The following CELF4 variants were observed in gnomAD, a reference collection of about 807,000 sequenced individuals.
CELF4 encodes CUGBP Elav-like family member 4, also known as CUG-BP- and ETR-3-like factor 4.
In CELF4, 18 loss-of-function variants were observed where a neutral mutation model predicts 59.9. The observed-to-expected ratio is 0.30, with a 90% CI of 0.21 to 0.45. The LOEUF (loss-of-function observed/expected upper bound fraction) is 0.45, where lower values mean the gene tolerates loss of function less well. CELF4 is among the 20% of genes least tolerant of loss of function. CELF4 has a pLI of 1.00. For synonymous variants in CELF4, 261 were observed against 267.1 expected (o/e 0.98, Z 0.22); for missense variants, 456 against 689.0 (o/e 0.66, Z 3.79).
At chr18:37,300,380 G>A (rs190096848) in intron 3 of CELF4, among the ~76,000 whole-genome samples, 50 of 152,088 alleles carry the variant, frequency 3.3e-4, no homozygotes, top group African/African-American at 1.1e-3. Context: ...ACCTGCCACC[G>A]CACTTGGCTA....
At chr18:37,494,807 C>G (rs183022490) in intron 1 of CELF4, among the ~76,000 whole-genome samples, 2 of 152,278 alleles carry the variant, frequency 1.3e-5, no homozygotes, top group East Asian at 3.9e-4. Context: ...ACGGGCCATG[C>G]TCAGGGAGAC....
At chr18:37,475,694 G>A (rs2099846924) in intron 2 of CELF4, among the ~76,000 whole-genome samples, 1 of 152,194 alleles carries the variant, frequency 6.6e-6, no homozygotes, top group Non-Finnish European at 1.5e-5. Context: ...TCTGCATGGA[G>A]TTGATTGGAG....
chr18:37,390,154 T>C (rs2099142771), intron 2 of CELF4, among the ~76,000 whole-genome samples: 1 of 152,208 alleles, frequency 6.6e-6, no homozygotes, highest in Non-Finnish European at 1.5e-5. Flanking sequence ...CCCCACATGC[T>C]GTAGGTGGCA....
intron 2 of CELF4, among the ~76,000 whole-genome samples, chr18:37,457,675 C>T (rs1195153564): frequency 1.3e-5 from 2 of 152,170 alleles, no homozygotes; most frequent in African/African-American, 4.8e-5. Context: ...AGACCATCTC[C>T]ACTTCCTCCT....
intron 1 of CELF4, among the ~76,000 whole-genome samples, chr18:37,559,942 A>G (rs1441562073): frequency 3.9e-5 from 6 of 152,222 alleles, no homozygotes. Context: ...TAGTGATGGC[A>G]GGCAGTTTTG....
intron 2 of CELF4, among the ~76,000 whole-genome samples, chr18:37,405,098 C>G (rs694306): frequency 0.11 from 17,066 of 152,284 alleles, 3,143 homozygotes; most frequent in African/African-American, 0.39. Flanking sequence ...CCCAACCCCC[C>G]CCGTGTCCTT....
chr18:37,325,405 G>A (rs1163681362), intron 2 of CELF4, among the ~76,000 whole-genome samples: 1 of 152,160 alleles, frequency 6.6e-6, no homozygotes, highest in Non-Finnish European at 1.5e-5. Flanking sequence ...CTGAAATGAC[G>A]GGTCCCATTT....
At chr18:37,319,746 G>A (rs905294211) in intron 3 of CELF4, among the ~76,000 whole-genome samples, 3 of 152,252 alleles carry the variant, frequency 2.0e-5, no homozygotes, top group Admixed American at 6.5e-5. Flanking sequence ...GAGGGGGAGA[G>A]AAATTCCTCG....
chr18:37,367,647 G>A lies in CELF4; in HGVS notation c.370-45766C>T, dbSNP rs77684731. On this transcript the variant is annotated intron_variant, in intron 2 of 12. Coordinates refer to ENST00000420428, the MANE Select transcript of CELF4 (RefSeq NM_020180.4). Reference sequence around the variant, plus strand: ...GTGTAGGAACAGAGGAACAGAGGAAGGAAAAATGCAAATCAGGTCGGGGAG... The same window carrying A: ...GTGTAGGAACAGAGGAACAGAGGAAAGAAAAATGCAAATCAGGTCGGGGAG... Among the ~76,000 whole-genome samples the A allele has an allele frequency of 1.9e-3, 284 of 151,930 alleles. 2 individuals are homozygous for A. Among genetic ancestry groups the A allele is most frequent in the African/African-American group, 6.7e-3 (277 of 41,472 alleles).
intron 3 of CELF4, among the ~76,000 whole-genome samples, chr18:37,296,737 A>T (rs957611702): frequency 6.6e-6 from 1 of 152,100 alleles, no homozygotes; most frequent in East Asian, 1.9e-4. Context: ...GCTCCAGCCC[A>T]CACCAGTGCC....
intron 10 of CELF4, among the ~76,000 whole-genome samples, chr18:37,259,656 T>TG (rs1266639186): frequency 3.9e-5 from 6 of 152,124 alleles, no homozygotes; most frequent in Non-Finnish European, 1.5e-5. Flanking sequence ...GCCCTGCCCC[T>TG]GCTCTGGGGG....
intron 1 of CELF4, among the ~76,000 whole-genome samples, chr18:37,491,953 A>C (rs986346751): frequency 6.6e-6 from 1 of 152,096 alleles, no homozygotes; most frequent in Non-Finnish European, 1.5e-5. Flanking sequence ...AAGGAAGTAC[A>C]ATTTCCTGCC....
intron 2 of CELF4, among the ~76,000 whole-genome samples, chr18:37,481,264 C>T (rs1018487318): frequency 6.6e-6 from 1 of 152,152 alleles, no homozygotes; most frequent in Non-Finnish European, 1.5e-5. Flanking sequence ...GCTCCCACTT[C>T]CCCCACCCCC....
rs182579878 is a variant in CELF4 at position 37,352,882 on chromosome 18, G to A, written c.370-31001C>T. Among the ~76,000 whole-genome samples the A allele has an allele frequency of 2.0e-5, 3 of 152,250 alleles. No individual in the cohort carries two copies. In the East Asian group the frequency reaches 5.8e-4, roughly 29 times the overall value. ...GTGCAGAGTGGGACGGGGTGGAACA[G>A]CGCCTTGCCATTGGTGCCCGAATGC... On this transcript the variant is annotated intron_variant, in intron 2 of 12. Coordinates refer to ENST00000420428, the MANE Select transcript of CELF4 (RefSeq NM_020180.4).
chr18:37,457,558 A>G (rs2154601985), intron 2 of CELF4, among the ~76,000 whole-genome samples: 1 of 152,260 alleles, frequency 6.6e-6, no homozygotes, highest in Admixed American at 6.5e-5. Flanking sequence ...TGCTCCAGAG[A>G]TCAAGGGTCA....
At chr18:37,499,360 A>T (rs2154603834) in intron 1 of CELF4, among the ~76,000 whole-genome samples, 1 of 152,296 alleles carries the variant, frequency 6.6e-6, no homozygotes, top group Non-Finnish European at 1.5e-5. Context: ...AGGAATTGTC[A>T]AGACCTGGGA....
intron 7 of CELF4, among the ~76,000 whole-genome samples, chr18:37,271,310 A>C (rs1047275955): frequency 7.4e-6 from 1 of 134,354 alleles, no homozygotes; most frequent in African/African-American, 2.9e-5. Flanking sequence ...GCTGGAGTAC[A>C]GTGGTGCAAT....
At chr18:37,460,247 C>G (rs1383335993) in intron 2 of CELF4, among the ~76,000 whole-genome samples, 1 of 152,174 alleles carries the variant, frequency 6.6e-6, no homozygotes, top group Non-Finnish European at 1.5e-5. Context: ...GATGATCACC[C>G]ACTTTATATA....
chr18:37,529,804 T>G (rs2099967616), intron 1 of CELF4, among the ~76,000 whole-genome samples: 1 of 152,166 alleles, frequency 6.6e-6, no homozygotes, highest in Non-Finnish European at 1.5e-5. Context: ...GAATGTGACT[T>G]TCCTTGGCCT....
Sources: gnomAD v4.1 joint callset for allele counts (sites outside exome capture counted in the v4.1 genomes callset) on GRCh38, gnomAD v4.1.1 for gene constraint, MANE v1.5 for transcripts, NCBI Gene and HGNC (gene_info 2026-07-23, HGNC 2026-07-21) for gene names.